The following DIAPH2 variants were observed in gnomAD, a reference collection of about 807,000 sequenced individuals.
DIAPH2 encodes the protein diaphanous related formin 2, also known as protein diaphanous homolog 2.
In DIAPH2, 35 loss-of-function variants were observed where a neutral mutation model predicts 92.7. The ratio of observed to expected loss-of-function variants is 0.38; its 90% confidence interval spans 0.29 to 0.50. The LOEUF is 0.50. Among genes scored for constraint, DIAPH2 ranks in the 20% least tolerant of loss-of-function variants. DIAPH2 has a pLI of 0.94. For synonymous variants in DIAPH2, 301 were observed against 280.4 expected, an observed-to-expected ratio of 1.07 and a Z score of -0.73; for missense variants, 701 against 819.5, an observed-to-expected ratio of 0.86 and a Z score of 1.77.
intron 17 of DIAPH2, among the ~76,000 whole-genome samples, chrX:97,022,211 A>G (rs768543752): frequency 8.9e-6 from 1 of 112,318 alleles, no homozygotes; most frequent in East Asian, 2.8e-4. Context: ...TAATAATATT[A>G]GGTCTATCTA....
intron 25 of DIAPH2, among the ~76,000 whole-genome samples, chrX:97,420,971 T>G (rs1424134221): frequency 8.9e-6 from 1 of 112,432 alleles, no homozygotes; most frequent in Non-Finnish European, 1.9e-5. Flanking sequence ...GACTATTATC[T>G]TAGTTACCAT....
At position 96,684,904 on chromosome X, in the gene DIAPH2, C is replaced by T. The variant is rs972747814; in HGVS notation, c.-155C>T. 2 of 672,407 alleles carry T rather than the reference C, an allele frequency of 3.0e-6. No individual in the cohort carries two copies. Among genetic ancestry groups the T allele is most frequent in the African/African-American group, 4.6e-5 (2 of 43,407 alleles). The allele number at this position is 672,407 out of a possible 1,213,427, so 55.4% of individuals were successfully genotyped here. ...CGGGGGTGCCTGGGAGCCTGGAGTC[C>T]CGGGGGCCTGAAATCGGCAGCTTCC... On this transcript the variant is annotated 5_prime_UTR_variant, in exon 1 of 27. Transcript: ENST00000324765.
At chrX:96,873,450 T>C (rs749820323) in intron 4 of DIAPH2, among the ~76,000 whole-genome samples, 1 of 110,244 alleles carries the variant, frequency 9.1e-6, no homozygotes, top group Non-Finnish European at 1.9e-5. Context: ...TAAATGATAC[T>C]TTTGAAAAAA....
chrX:97,476,984 TACACACACACACACACACAC>T (rs1190615516), intron 26 of DIAPH2, among the ~76,000 whole-genome samples: 1 of 57,092 alleles, frequency 1.8e-5, no homozygotes. Flanking sequence ...TATATATATA[TACACACACACACACACACAC>T]ACACACACAC....
chrX:96,704,914 TCCTC>T (rs1246954245), intron 1 of DIAPH2, among the ~76,000 whole-genome samples: 1 of 108,836 alleles, frequency 9.2e-6, no homozygotes, highest in Non-Finnish European at 1.9e-5. Context: ...GAACTTCTCT[TCCTC>T]CCTCCACGTA....
At chrX:97,434,958 T>G (rs2070167064) in intron 26 of DIAPH2, among the ~76,000 whole-genome samples, 1 of 111,081 alleles carries the variant, frequency 9.0e-6, no homozygotes, top group Non-Finnish European at 1.9e-5. Flanking sequence ...GACAGAGACT[T>G]GGAAACACCT....
intron 13 of DIAPH2, among the ~76,000 whole-genome samples, chrX:96,943,191 G>A (rs76198790): frequency 1.8e-5 from 2 of 110,984 alleles, no homozygotes; most frequent in African/African-American, 6.5e-5. Flanking sequence ...CCTTCAAAAT[G>A]TGACTTTTAA....
intron 10 of DIAPH2, among the ~76,000 whole-genome samples, chrX:96,931,363 T>C (rs1374142527): frequency 8.9e-6 from 1 of 111,927 alleles, no homozygotes; most frequent in Non-Finnish European, 1.9e-5. Context: ...ATGATAGTGT[T>C]AAAAACATTT....
chrX:97,548,997 G>A (rs2071200552), intron 26 of DIAPH2, among the ~76,000 whole-genome samples: 1 of 112,633 alleles, frequency 8.9e-6, no homozygotes, highest in South Asian at 3.7e-4. Context: ...TTTATAAAAT[G>A]ACGGGTAATT....
intron 8 of DIAPH2, 29 bp from the exon 9 acceptor site, chrX:96,918,480 C>G: frequency 9.9e-7 from 1 of 1,006,810 alleles, no homozygotes; most frequent in Non-Finnish European, 1.4e-6. Context: ...AAGTATTTCT[C>G]ATTTCTGTTT....
At chrX:97,510,622 C>G (rs1346198715) in intron 26 of DIAPH2, among the ~76,000 whole-genome samples, 50 of 102,287 alleles carry the variant, frequency 4.9e-4, no homozygotes, top group African/African-American at 1.1e-3. Context: ...AGGTTTTCTT[C>G]TAGGGTTTTT....
chrX:96,694,091 T>G (rs964038454), intron 1 of DIAPH2, among the ~76,000 whole-genome samples: 3 of 112,279 alleles, frequency 2.7e-5, no homozygotes, highest in African/African-American at 9.7e-5. Flanking sequence ...AGATGTATAT[T>G]TATGTAATAT....
chrX:96,748,447 A>T (rs188873494), intron 3 of DIAPH2, among the ~76,000 whole-genome samples: 1 of 111,861 alleles, frequency 8.9e-6, no homozygotes, highest in Non-Finnish European at 1.9e-5. Flanking sequence ...AGCAGAGAAC[A>T]CCACCTAAAT....
At chrX:97,034,466 T>C (rs1429527154) in intron 17 of DIAPH2, among the ~76,000 whole-genome samples, 1 of 108,602 alleles carries the variant, frequency 9.2e-6, no homozygotes, top group Non-Finnish European at 1.9e-5. Context: ...TTGTCAAGTC[T>C]GCAAAATATC....
At chrX:96,836,205 C>T (rs944284484) in intron 4 of DIAPH2, among the ~76,000 whole-genome samples, 8 of 109,419 alleles carry the variant, frequency 7.3e-5, no homozygotes, top group Non-Finnish European at 1.3e-4. Flanking sequence ...CCCTCATCCC[C>T]CTCCCACCGT....
Position 97,183,790 on chromosome X carries a change from A to AT in DIAPH2, c.2719+41997dup, listed in dbSNP as rs754583925. On this transcript the variant is annotated intron_variant, in intron 22 of 26. Transcript: ENST00000324765. Reference sequence around the variant, plus strand: ...TTTTACAGCTATCATTTAAAAAGCCATGTACTCATTAAGATAAATATGTGC... The same window carrying AT: ...TTTTACAGCTATCATTTAAAAAGCCATTGTACTCATTAAGATAAATATGTGC... 3.6e-5 allele frequency among the ~76,000 whole-genome samples: 4 copies of AT among 112,293 alleles called. No homozygotes were observed. In the South Asian group the frequency reaches 1.1e-3, roughly 31 times the overall value.
intron 4 of DIAPH2, among the ~76,000 whole-genome samples, chrX:96,800,353 A>G (rs2064573328): frequency 8.9e-6 from 1 of 111,769 alleles, no homozygotes; most frequent in African/African-American, 3.3e-5. Flanking sequence ...TCAGTTTTTC[A>G]TTCTAGGTAG....
At chrX:96,898,369 A>T (rs1280404845) in intron 5 of DIAPH2, among the ~76,000 whole-genome samples, 1 of 98,804 alleles carries the variant, frequency 1.0e-5, no homozygotes, top group African/African-American at 3.5e-5. Context: ...CTATTTCTCC[A>T]CATCCTCTCC....
At chrX:97,385,284 G>A (rs1267171473) in intron 25 of DIAPH2, among the ~76,000 whole-genome samples, 1 of 110,979 alleles carries the variant, frequency 9.0e-6, no homozygotes, top group Non-Finnish European at 1.9e-5. Flanking sequence ...CCAAGCTGGA[G>A]TGCAGTGGCT....
Sources: gnomAD v4.1 joint callset for allele counts (sites outside exome capture counted in the v4.1 genomes callset) on GRCh38, gnomAD v4.1.1 for gene constraint, MANE v1.5 for transcripts, NCBI Gene and HGNC (gene_info 2026-07-23, HGNC 2026-07-21) for gene names.